CSMD3: variants seen among roughly 807,000 people sequenced by gnomAD.
CSMD3 encodes CUB and Sushi multiple domains 3.
CSMD3 carries 177 observed loss-of-function variants against 435.2 expected under a neutral mutation model. The ratio of observed to expected loss-of-function variants is 0.41; its 90% CI spans 0.36 to 0.46. The LOEUF (loss-of-function observed/expected upper bound fraction) is 0.46, where lower values mean the gene tolerates loss of function less well. CSMD3 is among the 20% of genes least tolerant of loss of function. CSMD3 has a pLI of 0.34. For synonymous variants in CSMD3, 1,656 were observed against 1,520.5 expected (o/e 1.09, Z -2.07); for missense variants, 4,265 against 4,504.6 (o/e 0.95, Z 1.52).
intron 51 of CSMD3, among the ~76,000 whole-genome samples, 179 bp downstream of exon 51, chr8:112,305,828 G>T (rs918610105): frequency 1.3e-5 from 2 of 152,102 alleles, no homozygotes; most frequent in Non-Finnish European, 2.9e-5. Context: ...TGATGGAAAA[G>T]ACCTTGTACT....
intron 9 of CSMD3, among the ~76,000 whole-genome samples, chr8:112,940,586 C>G (rs181314033): frequency 2.2e-4 from 34 of 151,802 alleles, no homozygotes; most frequent in Non-Finnish European, 3.8e-4. Flanking sequence ...CAGCATTTCT[C>G]CCTTTAAAAA....
intron 5 of CSMD3, among the ~76,000 whole-genome samples, chr8:113,020,348 A>C (rs2086644219): frequency 6.6e-6 from 1 of 152,124 alleles, no homozygotes; most frequent in African/African-American, 2.4e-5. Flanking sequence ...ATCTTAAAAC[A>C]AAATATTGGA....
chr8:112,690,137 G>T lies in CSMD3; in HGVS notation c.1973-87C>A, dbSNP rs2076098881. 4 of 963,504 alleles carry T rather than the reference G, an allele frequency of 4.2e-6. No homozygotes were observed. In the Admixed American group the frequency reaches 7.6e-5, roughly 18 times the overall value. The allele number at this position is 963,504 out of a possible 1,614,324, so 59.7% of individuals were successfully genotyped here. ...CAAGTTAGGTAGATATATGCTCTTT[G>T]TTGTGGAGATATTTCAGAACAAAAA... On this transcript the variant is annotated intron_variant, in intron 13 of 70. Coordinates refer to ENST00000297405, the MANE Select transcript of CSMD3 (RefSeq NM_198123.2).
chr8:113,195,725 A>G, intron 3 of CSMD3, among the ~76,000 whole-genome samples: 1 of 148,040 alleles, frequency 6.8e-6, no homozygotes, highest in African/African-American at 2.5e-5. Context: ...ATTCATATCT[A>G]TAACTATATC....
At chr8:112,432,075 T>C (rs1813771406) in intron 32 of CSMD3, among the ~76,000 whole-genome samples, 1 of 152,022 alleles carries the variant, frequency 6.6e-6, no homozygotes, top group African/African-American at 2.4e-5. Flanking sequence ...ACTGAATCAT[T>C]TGAGAACTAA....
chr8:112,604,016 T>C lies in CSMD3; in HGVS notation c.3716-16781A>G, dbSNP rs567889842. 1.6e-3 allele frequency among the ~76,000 whole-genome samples: 245 copies of C among 152,308 alleles called. 1 individual carries two copies. The highest frequency in any genetic ancestry group is 5.4e-3 in the African/African-American group (223 of 41,578). On this transcript the variant is annotated intron_variant, in intron 22 of 70. Transcript: ENST00000297405. ...GATTCAGATTTTATTGAATAAATAA[T>C]ATTAATTTTTTTTCAATTTAAGATC...
chr8:112,716,900 C>T (rs2076743948), intron 13 of CSMD3, among the ~76,000 whole-genome samples: 1 of 152,152 alleles, frequency 6.6e-6, no homozygotes, highest in African/African-American at 2.4e-5. Flanking sequence ...TGGACCCCTT[C>T]CTTACACCTC....
At chr8:113,317,858 T>A (rs1026125836) in intron 1 of CSMD3, among the ~76,000 whole-genome samples, 3 of 152,118 alleles carry the variant, frequency 2.0e-5, no homozygotes, top group Non-Finnish European at 2.9e-5. Context: ...ATATCTATTT[T>A]AAAAAAATCA....
At chr8:113,129,351 G>C (rs755908624) in intron 4 of CSMD3, among the ~76,000 whole-genome samples, 39 of 152,018 alleles carry the variant, frequency 2.6e-4, no homozygotes, top group Non-Finnish European at 5.1e-4. Context: ...TAGAGATTTA[G>C]GGAAACATGC....
chr8:113,217,375 A>G (rs2092917419), intron 3 of CSMD3, among the ~76,000 whole-genome samples: 1 of 151,712 alleles, frequency 6.6e-6, no homozygotes, highest in African/African-American at 2.4e-5. Flanking sequence ...ATAGGATTCA[A>G]CAGAAACAAA....
intron 13 of CSMD3, among the ~76,000 whole-genome samples, chr8:112,744,820 T>A (rs983725827): frequency 6.6e-6 from 1 of 152,042 alleles, no homozygotes; most frequent in Non-Finnish European, 1.5e-5. Context: ...GAGACAGCAA[T>A]GGGCAAGATG....
At chr8:112,870,654 T>A (rs1355768018) in intron 10 of CSMD3, among the ~76,000 whole-genome samples, 1 of 152,132 alleles carries the variant, frequency 6.6e-6, no homozygotes, top group East Asian at 1.9e-4. Flanking sequence ...ATAATATGTT[T>A]TTAATTCATT....
Position 112,645,204 on chromosome 8 carries a change from C to T in CSMD3, c.3215G>A (p.Arg1072Lys), listed in dbSNP as rs2074946434. ...TCDALCGGDV[R>K]GPSGTILSPG... ...TGATAAGATTGTTCCACTAGGCCCT[C>T]TAACATCTCCTCCACATAATGCTGA... The change falls in exon 20 of 71, where the codon AGA becomes AAA. Residue 1072 changes from arginine (R) to lysine (K), a missense_variant. Around this residue, in one of 3 missense-constraint regions of CSMD3, gnomAD observed 3,255 missense variants for 3,380.2 expected, o/e 0.96. Coordinates refer to ENST00000297405, the MANE Select transcript of CSMD3 (RefSeq NM_198123.2). The T allele has an allele frequency of 3.2e-6, 5 of 1,580,898 alleles. No homozygotes were observed. The highest frequency in any genetic ancestry group is 4.3e-6 in the Non-Finnish European group (5 of 1,149,930).
chr8:113,202,562 C>A (rs2092725880), intron 3 of CSMD3, among the ~76,000 whole-genome samples: 1 of 152,072 alleles, frequency 6.6e-6, no homozygotes, highest in Non-Finnish European at 1.5e-5. Flanking sequence ...TGTTCAAAGG[C>A]TTTCTTTGAT....
intron 32 of CSMD3, among the ~76,000 whole-genome samples, chr8:112,422,068 C>A (rs1311177061): frequency 2.0e-5 from 3 of 152,142 alleles, no homozygotes; most frequent in South Asian, 4.2e-4. Flanking sequence ...TAGCCATTAT[C>A]CTATAGAGCA....
chr8:112,876,862 T>C (rs1208795518), intron 10 of CSMD3, among the ~76,000 whole-genome samples: 1 of 152,080 alleles, frequency 6.6e-6, no homozygotes, highest in East Asian at 1.9e-4. Flanking sequence ...CAAAACCCCA[T>C]TGTCTCAGCC....
At chr8:112,834,533 T>C (rs1300975331) in intron 11 of CSMD3, among the ~76,000 whole-genome samples, 1 of 151,676 alleles carries the variant, frequency 6.6e-6, no homozygotes, top group Non-Finnish European at 1.5e-5. Context: ...AAATAAAGCT[T>C]AGGAAAACAA....
chr8:112,501,352 G>A (rs1270281713), intron 30 of CSMD3, among the ~76,000 whole-genome samples: 8 of 149,812 alleles, frequency 5.3e-5, no homozygotes, highest in East Asian at 1.9e-4. Flanking sequence ...TGAGATCACC[G>A]CTGCACTCCG....
At chr8:113,245,527 T>C (rs2093267585) in intron 3 of CSMD3, among the ~76,000 whole-genome samples, 1 of 152,070 alleles carries the variant, frequency 6.6e-6, no homozygotes, top group African/African-American at 2.4e-5. Flanking sequence ...AACTTTAATA[T>C]ATGCCATCTT....
Sources: allele counts gnomAD v4.1 joint callset (sites outside exome capture counted in the v4.1 genomes callset), GRCh38; gene constraint gnomAD v4.1.1; regional missense constraint gnomAD v4.1.1; transcripts MANE v1.5; gene names NCBI Gene and HGNC (gene_info 2026-07-23, HGNC 2026-07-21).